Variants in NEU3 observed in about 807,000 individuals in gnomAD.
The protein encoded by NEU3 is neuraminidase 3.
In NEU3, 10 loss-of-function variants were observed where a neutral mutation model predicts 11.4. That is an observed-to-expected ratio of 0.88 (90% CI 0.54 to 1.49). The LOEUF (loss-of-function observed/expected upper bound fraction) is 1.49. NEU3 is among the 40% of genes most tolerant of loss of function. The pLI is 0.00. For synonymous variants in NEU3, 212 were observed against 228.2 expected (o/e 0.93, Z 0.64); for missense variants, 529 against 581.8 (o/e 0.91, Z 0.93).
intron 2 of NEU3, among the ~76,000 whole-genome samples, chr11:75,004,929 T>TTTTC (rs751858120): frequency 6.6e-6 from 1 of 152,088 alleles, no homozygotes; most frequent in Non-Finnish European, 1.5e-5. Flanking sequence ...TTTCTTTTTT[T>TTTTC]TTTCTTTCTT....
chr11:74,981,921 T>C, the NEU3 span, among the ~76,000 whole-genome samples: 2 of 152,056 alleles, frequency 1.3e-5, no homozygotes, highest in Non-Finnish European at 2.9e-5. Flanking sequence ...CCTGAGAATA[T>C]TTTGAGGCTA....
downstream of NEU3, among the ~76,000 whole-genome samples, chr11:75,020,018 C>A (rs1474788758): frequency 6.6e-6 from 1 of 152,210 alleles, no homozygotes; most frequent in Admixed American, 6.5e-5. Context: ...GGGAACCCAC[C>A]TCTTGCATCA....
chr11:74,992,895 G>A (rs1173603943), intron 1 of NEU3, among the ~76,000 whole-genome samples: 1 of 152,152 alleles, frequency 6.6e-6, no homozygotes, highest in African/African-American at 2.4e-5. Flanking sequence ...AGGAGGTGGA[G>A]GTTGCAGTGA....
chr11:75,005,317 T>C, intron 2 of NEU3, 96 bp from the exon 3 acceptor site: 1 of 1,279,662 alleles, frequency 7.8e-7, no homozygotes, highest in Non-Finnish European at 1.1e-6. Flanking sequence ...TTCAATATCA[T>C]TTATTTCTTA....
At chr11:75,017,943 AAAATT>A (rs1217014768) in intron 3 of NEU3, among the ~76,000 whole-genome samples, 2 of 152,164 alleles carry the variant, frequency 1.3e-5, no homozygotes, top group Non-Finnish European at 1.5e-5. Flanking sequence ...TGAAGAGAGA[AAAATT>A]AAATTAAGGT....
At chr11:75,004,378 A>C (rs1016432244) in intron 2 of NEU3, 1 of 598,508 alleles carries the variant, frequency 1.7e-6, no homozygotes, top group Non-Finnish European at 3.0e-6. Flanking sequence ...TGCTGGGATT[A>C]CAGCATGAGC....
chr11:74,990,074 T>C (rs1948713850), intron 1 of NEU3: 2 of 694,688 alleles, frequency 2.9e-6, no homozygotes. Context: ...CTAATTGTTA[T>C]AGTGATAATA....
At chr11:75,003,453 A>G (rs1407410412) in intron 2 of NEU3, among the ~76,000 whole-genome samples, 1 of 152,198 alleles carries the variant, frequency 6.6e-6, no homozygotes, top group Non-Finnish European at 1.5e-5. Context: ...TATTTTATCT[A>G]TCTTTTCAAG....
In NEU3 at chr11:75,005,452, G is replaced by A. The variant is rs1023596542; in HGVS notation, c.346G>A (p.Gly116Arg). Residue 116 changes from glycine to arginine, a missense_variant, in exon 3 of 3, where the codon GGG becomes AGG. Transcript: ENST00000294064. ...LKPLMEATLP[G>R]HRTMNPCPVW... ...GCCACTGATGGAAGCCACACTACCGGGGCATCGGACCATGAACCCCTGTCC... is the reference window on the plus strand; with the variant it reads ...GCCACTGATGGAAGCCACACTACCGAGGCATCGGACCATGAACCCCTGTCC... The A allele has an allele frequency of 6.2e-7, 1 of 1,613,572 alleles. No individual in the cohort carries two copies. The highest frequency in any genetic ancestry group is 8.5e-7 in the Non-Finnish European group (1 of 1,179,672).
At chr11:74,990,148 T>C in intron 1 of NEU3, 1 of 635,964 alleles carries the variant, frequency 1.6e-6, no homozygotes, top group African/African-American at 1.8e-5. Context: ...AAAACAGCAG[T>C]TTAAAATTTA....
chr11:74,988,733 C>T, upstream of NEU3: 1 of 389,654 alleles, frequency 2.6e-6, no homozygotes, highest in Non-Finnish European at 4.7e-6. Flanking sequence ...GAGGTGGGCC[C>T]AGGGCTTGAG....
At chr11:74,984,383 C>T (rs1255968372), upstream of NEU3, among the ~76,000 whole-genome samples, 2 of 152,190 alleles carry the variant, frequency 1.3e-5, no homozygotes, top group Non-Finnish European at 2.9e-5. Context: ...GTGCAGGTAT[C>T]ATCTGGCTCT....
chr11:74,997,586 C>T (rs999730753), intron 2 of NEU3, among the ~76,000 whole-genome samples: 2 of 151,392 alleles, frequency 1.3e-5, no homozygotes, highest in African/African-American at 4.9e-5. Flanking sequence ...TGGCTCACGC[C>T]TGTAATCCCA....
In NEU3 at chr11:75,005,828, TA is replaced by T. The variant is rs759130871; in HGVS notation, c.723del (p.Val243SerfsTer15). On this transcript the variant is annotated frameshift_variant, in exon 3 of 3. Transcript: ENST00000294064. LOFTEE classifies it low-confidence loss of function (END_TRUNC). ...TCTCTGATGATCTACAGTGATGACC[TA>T]GGGGTCACATGGCACCATGGTAGAC... ...PHSLMIYSDDLGVTWHHGRLI... is the reference protein window; with the variant it reads ...PHSLMIYSDDXGVTWHHGRLI... The T allele has an allele frequency of 6.8e-6, 11 of 1,613,928 alleles. No individual in the cohort carries two copies. Among genetic ancestry groups the T allele is most frequent in the Middle Eastern group, 1.6e-4 (1 of 6,062 alleles).
At chr11:74,988,827 G>A (rs887601022), upstream of NEU3, 7 of 540,552 alleles carry the variant, frequency 1.3e-5, no homozygotes, top group South Asian at 1.6e-4. Context: ...GCAGCGCCGA[G>A]GGGGCGGGAC....
In NEU3 at chr11:75,010,721, C is replaced by T. The variant is rs1490074282; in HGVS notation, c.*4229C>T. ...GGGGTTCTCACTTCACTGGTATTTT[C>T]CCTCTGTCCCTAATTGGGTTTTCTA... is the stretch of plus-strand genomic sequence containing the variant. On this transcript the variant is annotated 3_prime_UTR_variant, in exon 3 of 3. Transcript: ENST00000294064. The T allele has an allele frequency of 6.6e-6, 1 of 152,130 alleles. No homozygotes were observed. The highest frequency in any genetic ancestry group is 1.9e-4 in the East Asian group (1 of 5,190). 9.4% of individuals were successfully genotyped at this position (152,130 alleles called of 1,614,324 possible).
rs1324685658 is a variant in NEU3 at position 75,009,879 on chromosome 11, C to T, written c.*3387C>T. 6.6e-6 allele frequency: 1 copy of T among 152,312 alleles called. No individual in the cohort carries two copies. The highest frequency in any genetic ancestry group is 2.1e-4 in the South Asian group (1 of 4,834). The allele number at this position is 152,312 out of a possible 1,614,324, so 9.4% of individuals were successfully genotyped here. Reference sequence around the variant, plus strand: ...TCACCAGTCTCCCCTCCGATATTCACAGGACATCAAGCAGCTTCAGCCACG... The same window carrying T: ...TCACCAGTCTCCCCTCCGATATTCATAGGACATCAAGCAGCTTCAGCCACG... On this transcript the variant is annotated 3_prime_UTR_variant, in exon 3 of 3. Transcript: ENST00000294064.
Position 74,994,410 on chromosome 11 carries a change from C to G in NEU3, c.95-99C>G, listed in dbSNP as rs1429013144. ...AAACATTTGAATATATCTGTGCCCC[C>G]CCACCTTTGCTCTCCAGAAGTGAAA... On this transcript the variant is annotated intron_variant, in intron 1 of 2. Transcript: ENST00000294064. 4 of 834,894 alleles carry G rather than the reference C, an allele frequency of 4.8e-6. No homozygotes were observed. The African/African-American group carries it at 5.1e-5, about 11-fold the overall frequency. The allele number at this position is 834,894 out of a possible 1,614,324, so 51.7% of individuals were successfully genotyped here.
intron 2 of NEU3, among the ~76,000 whole-genome samples, chr11:74,996,595 C>T (rs1948793095): frequency 6.6e-6 from 1 of 152,162 alleles, no homozygotes; most frequent in South Asian, 2.1e-4. Flanking sequence ...TTCTCAATGT[C>T]TCTTAATGTT....
Sources: allele counts gnomAD v4.1 joint callset (sites outside exome capture counted in the v4.1 genomes callset), GRCh38; gene constraint gnomAD v4.1.1; transcripts MANE v1.5; gene names NCBI Gene and HGNC (gene_info 2026-07-23, HGNC 2026-07-21).